The following MGAT5 variants were observed in gnomAD, a reference collection of about 807,000 sequenced individuals.
MGAT5 encodes alpha-1,6-mannosylglycoprotein 6-beta-N-acetylglucosaminyltransferase.
MGAT5 carries 30 observed loss-of-function variants against 94.3 expected under a neutral mutation model. The observed-to-expected ratio is 0.32, with a 90% CI of 0.24 to 0.43. MGAT5 has a LOEUF of 0.43. Among genes scored for constraint, MGAT5 ranks in the 20% least tolerant of loss-of-function variants. The pLI, the probability that MGAT5 is intolerant of heterozygous loss-of-function variation, is 1.00. For missense variants in MGAT5, 691 were observed against 905.5 expected, an observed-to-expected ratio of 0.76 and a Z score of 3.04; for synonymous variants, 310 against 322.9, an observed-to-expected ratio of 0.96 and a Z score of 0.43.
rs141694630 is a variant in MGAT5, at chr2:134,311,787, G to A, written c.407-5742G>A. 8.7e-4 allele frequency among the ~76,000 whole-genome samples: 133 copies of A among 152,256 alleles called. 1 individual carries two copies. The East Asian group carries it at 9.1e-3, about 10-fold the overall frequency. On this transcript the variant is annotated intron_variant, in intron 2 of 15. Transcript: ENST00000281923. ...TAGTAAGTGAATGTTTTATGATGCCGCGTAGTTGATAGTTGGTGATACTTA... is the reference window on the plus strand; with the variant it reads ...TAGTAAGTGAATGTTTTATGATGCCACGTAGTTGATAGTTGGTGATACTTA...
At chr2:134,235,633 T>C (rs1171650579) in intron 1 of MGAT5, among the ~76,000 whole-genome samples, 1 of 152,062 alleles carries the variant, frequency 6.6e-6, no homozygotes, top group Non-Finnish European at 1.5e-5. Context: ...AATGGTGTAT[T>C]CATGGCACGT....
intron 10 of MGAT5, among the ~76,000 whole-genome samples, chr2:134,392,276 T>C (rs904320072): frequency 1.3e-5 from 2 of 152,204 alleles, no homozygotes; most frequent in Non-Finnish European, 2.9e-5. Flanking sequence ...CTAATTAGAG[T>C]GATCACTTTT....
At chr2:134,226,602 G>A (rs888208317) in intron 1 of MGAT5, among the ~76,000 whole-genome samples, 1 of 152,138 alleles carries the variant, frequency 6.6e-6, no homozygotes, top group East Asian at 1.9e-4. Context: ...CATGTAAAAT[G>A]GGAAGCAAAT....
intron 1 of MGAT5, among the ~76,000 whole-genome samples, chr2:134,140,659 G>A (rs1022757841): frequency 2.6e-5 from 4 of 152,204 alleles, no homozygotes; most frequent in Non-Finnish European, 4.4e-5. Context: ...GTCATAAGCA[G>A]TCCCATTGCT....
chr2:134,226,170 T>C (rs1339641176), intron 1 of MGAT5, among the ~76,000 whole-genome samples: 1 of 152,242 alleles, frequency 6.6e-6, no homozygotes, highest in Non-Finnish European at 1.5e-5. Flanking sequence ...AGTCATGTTA[T>C]CTTTACATCT....
intron 10 of MGAT5, among the ~76,000 whole-genome samples, chr2:134,387,323 TATA>T (rs1412683530): frequency 2.0e-4 from 10 of 50,320 alleles, no homozygotes; most frequent in African/African-American, 4.5e-4. Flanking sequence ...TATATATATA[TATA>T]TATATATTTT....
At chr2:134,174,149 T>G (rs1332024319) in intron 1 of MGAT5, among the ~76,000 whole-genome samples, 2 of 152,248 alleles carry the variant, frequency 1.3e-5, no homozygotes, top group Non-Finnish European at 2.9e-5. Context: ...GAATTGGATG[T>G]CAGGAAACGT....
At chr2:134,120,679 C>T (rs1401933914) in intron 1 of MGAT5, among the ~76,000 whole-genome samples, 1 of 151,688 alleles carries the variant, frequency 6.6e-6, no homozygotes. Flanking sequence ...GATGGGCGCT[C>T]GGACCGCGGA....
chr2:134,291,648 G>T (rs1402767613), intron 2 of MGAT5, among the ~76,000 whole-genome samples: 1 of 152,186 alleles, frequency 6.6e-6, no homozygotes, highest in East Asian at 1.9e-4. Flanking sequence ...GCGAAGTAAG[G>T]TCAGTGTGGC....
At chr2:134,158,105 A>G (rs1015209170) in intron 1 of MGAT5, among the ~76,000 whole-genome samples, 2 of 152,242 alleles carry the variant, frequency 1.3e-5, no homozygotes, top group Non-Finnish European at 2.9e-5. Flanking sequence ...GGCAGGCCAG[A>G]AAAAGCACCA....
intron 12 of MGAT5, among the ~76,000 whole-genome samples, chr2:134,421,054 C>T (rs1684260610): frequency 6.6e-6 from 1 of 152,090 alleles, no homozygotes; most frequent in Non-Finnish European, 1.5e-5. Flanking sequence ...AGTGTGTTTA[C>T]GTATGCCCAC....
chr2:134,218,690 T>C (rs1680612864), intron 1 of MGAT5, among the ~76,000 whole-genome samples: 2 of 152,154 alleles, frequency 1.3e-5, no homozygotes, highest in Admixed American at 1.3e-4. Flanking sequence ...CTGTGACTTC[T>C]GCATTTTATC....
At position 134,334,496 on chromosome 2, in the gene MGAT5, C is replaced by CTTTTTTTTTTTTTTT. The variant is rs59933611; in HGVS notation, c.574-1712_574-1698dup. ...CAAATCTCTACTTTCCTTGCTCATC[C>CTTTTTTTTTTTTTTT]TTTTTTTTTTTTTTTTTTTTTTTGC... On this transcript the variant is annotated intron_variant, in intron 4 of 15. Transcript: ENST00000281923. Among the ~76,000 whole-genome samples the CTTTTTTTTTTTTTTT allele has an allele frequency of 3.2e-4, 11 of 34,112 alleles. 3 individuals carry two copies. The highest frequency in any genetic ancestry group is 1.2e-3 in the African/African-American group (10 of 8,264). The allele number at this position is 34,112 out of a possible 152,430, so 22.4% of individuals were successfully genotyped here.
chr2:134,225,871 A>T (rs1681035506), intron 1 of MGAT5, among the ~76,000 whole-genome samples: 1 of 152,226 alleles, frequency 6.6e-6, no homozygotes, highest in African/African-American at 2.4e-5. Context: ...CTAACAGTGT[A>T]CTAGGATAGA....
intron 1 of MGAT5, among the ~76,000 whole-genome samples, chr2:134,177,772 G>A (rs1223727251): frequency 6.6e-6 from 1 of 152,254 alleles, no homozygotes; most frequent in Non-Finnish European, 1.5e-5. Context: ...CTCGCAGTCA[G>A]CAGCACGGAA....
chr2:134,132,897 G>A (rs1686242455), intron 1 of MGAT5, among the ~76,000 whole-genome samples: 1 of 152,144 alleles, frequency 6.6e-6, no homozygotes, highest in Admixed American at 6.5e-5. Flanking sequence ...CATTACACCC[G>A]ATTGGCTTAT....
intron 3 of MGAT5, 57 bp from the exon 4 acceptor site, chr2:134,318,593 T>G: frequency 7.8e-7 from 1 of 1,273,978 alleles, no homozygotes; most frequent in Non-Finnish European, 1.1e-6. Flanking sequence ...GCCTTCCCTG[T>G]CAGCAGATGT....
chr2:134,203,569 G>A (rs1679895238), intron 1 of MGAT5, among the ~76,000 whole-genome samples: 1 of 151,982 alleles, frequency 6.6e-6, no homozygotes, highest in Non-Finnish European at 1.5e-5. Flanking sequence ...AGGGCATGAG[G>A]GTGTGCGGAG....
intron 4 of MGAT5, among the ~76,000 whole-genome samples, chr2:134,331,855 C>T (rs557472785): frequency 6.6e-6 from 1 of 152,004 alleles, no homozygotes; most frequent in African/African-American, 2.4e-5. Context: ...TTCCAACTTA[C>T]AAGGGACGTG....
Sources: allele counts gnomAD v4.1 joint callset (sites outside exome capture counted in the v4.1 genomes callset), GRCh38; gene constraint gnomAD v4.1.1; transcripts MANE v1.5; gene names NCBI Gene and HGNC (gene_info 2026-07-23, HGNC 2026-07-21).